The following STAG1 variants were observed in gnomAD, a reference collection of about 807,000 sequenced individuals.
The protein encoded by STAG1 is STAG1 cohesin complex component.
Under a neutral mutation model 170.9 loss-of-function variants are expected in STAG1, and 26 were observed. The ratio of observed to expected loss-of-function variants is 0.15; its 90% CI spans 0.11 to 0.21. The LOEUF (loss-of-function observed/expected upper bound fraction) is 0.21. Ranked by LOEUF, STAG1 falls within the 10% of genes least tolerant of loss-of-function variation. The pLI is 1.00. For missense variants in STAG1, 964 were observed against 1,509.5 expected (o/e 0.64, Z 5.99); for synonymous variants, 514 against 497.7 (o/e 1.03, Z -0.44).
intron 7 of STAG1, among the ~76,000 whole-genome samples, chr3:136,511,149 G>A (rs915630205): frequency 3.9e-5 from 6 of 152,148 alleles, no homozygotes; most frequent in Non-Finnish European, 7.3e-5. Flanking sequence ...TGTGAAGAAT[G>A]TGCCTGCTTC....
chr3:136,739,856 C>A (rs918920397), intron 1 of STAG1, among the ~76,000 whole-genome samples: 1 of 151,940 alleles, frequency 6.6e-6, no homozygotes, highest in Non-Finnish European at 1.5e-5. Flanking sequence ...CATATATACA[C>A]ACACACACAT....
intron 1 of STAG1, among the ~76,000 whole-genome samples, chr3:136,664,282 T>C (rs1156979550): frequency 2.0e-5 from 3 of 152,326 alleles, no homozygotes; most frequent in African/African-American, 7.2e-5. Flanking sequence ...GTGTACTAAA[T>C]TGCAATGTAA....
chr3:136,708,929 C>T (rs960612549), intron 1 of STAG1, among the ~76,000 whole-genome samples: 1 of 148,138 alleles, frequency 6.8e-6, no homozygotes, highest in African/African-American at 2.5e-5. Context: ...CTCAGCCTCC[C>T]AAGTAGTTGG....
At chr3:136,626,461 C>T (rs780862980) in intron 2 of STAG1, among the ~76,000 whole-genome samples, 1 of 150,972 alleles carries the variant, frequency 6.6e-6, no homozygotes, top group Non-Finnish European at 1.5e-5. Flanking sequence ...AAAAACCATA[C>T]AGTATATATT....
intron 28 of STAG1, among the ~76,000 whole-genome samples, chr3:136,351,635 T>C (rs554557587): frequency 4.9e-4 from 75 of 152,248 alleles, no homozygotes; most frequent in Non-Finnish European, 3.2e-4. Context: ...AACTAACAGC[T>C]ATTCTTACAC....
chr3:136,405,084 T>C (rs1195866835), intron 21 of STAG1, among the ~76,000 whole-genome samples: 2 of 152,090 alleles, frequency 1.3e-5, no homozygotes, highest in South Asian at 2.1e-4. Context: ...ATAGCCAATA[T>C]TGGTCTATCA....
Position 136,377,537 on chromosome 3 carries a change from A to C in STAG1, c.2370+123T>G, listed in dbSNP as rs940429525. 1.6e-5 allele frequency: 11 copies of C among 687,194 alleles called. No homozygotes were observed. In the Admixed American group the frequency reaches 2.5e-4, roughly 16 times the overall value. 42.6% of individuals were successfully genotyped at this position (687,194 alleles called of 1,614,324 possible). On this transcript the variant is annotated intron_variant, in intron 23 of 33. Transcript: ENST00000383202. ...ATTCACACATCTACAGTCTTGTTCC[A>C]GGTCCAGTAAATGTTAGGAATGAAC...
chr3:136,500,585 A>G (rs1260496491), intron 8 of STAG1, among the ~76,000 whole-genome samples: 1 of 152,168 alleles, frequency 6.6e-6, no homozygotes, highest in Non-Finnish European at 1.5e-5. Flanking sequence ...CCAAAATATC[A>G]TCTGCCTTAG....
intron 5 of STAG1, among the ~76,000 whole-genome samples, chr3:136,565,021 G>GGCAGGCAGGCAGGCAGGCACGCACGCAC (rs1559881963): frequency 1.0e-5 from 1 of 95,714 alleles, no homozygotes; most frequent in African/African-American, 6.7e-5. Flanking sequence ...AAGGCAGGCA[G>GGCAGGCAGGCAGGCAGGCACGCACGCAC]GCAGGCAGGC....
chr3:136,436,247 C>T (rs977958677), intron 15 of STAG1, among the ~76,000 whole-genome samples: 24 of 151,944 alleles, frequency 1.6e-4, no homozygotes, highest in African/African-American at 2.9e-4. Flanking sequence ...TGAGCCACCA[C>T]GCCTGGCCTC....
chr3:136,608,112 C>T (rs1377382782), intron 3 of STAG1, among the ~76,000 whole-genome samples: 2 of 151,896 alleles, frequency 1.3e-5, no homozygotes, highest in Non-Finnish European at 1.5e-5. Context: ...TAAAAATTAT[C>T]CAGGCGTGGT....
chr3:136,621,261 C>A (rs530670993), intron 3 of STAG1, among the ~76,000 whole-genome samples: 61 of 152,044 alleles, frequency 4.0e-4, no homozygotes, highest in Non-Finnish European at 7.7e-4. Flanking sequence ...AAAAAAGTTT[C>A]TTTAAGGAGA....
chr3:136,722,836 C>T (rs918539876), intron 1 of STAG1, among the ~76,000 whole-genome samples: 7 of 152,240 alleles, frequency 4.6e-5, no homozygotes, highest in Admixed American at 3.9e-4. Context: ...CGATTGCAGG[C>T]GCGCGCCACC....
Position 136,336,719 on chromosome 3 carries a change from A to AAAT in STAG1, c.*1532_*1534dup, listed in dbSNP as rs569982542. 17 of 152,240 alleles carry AAAT rather than the reference A, an allele frequency of 1.1e-4. No homozygotes were observed. Among genetic ancestry groups the AAAT allele is most frequent in the Non-Finnish European group, 1.9e-4 (13 of 68,034 alleles). 9.4% of individuals were successfully genotyped at this position (152,240 alleles called of 1,614,324 possible). A position where few individuals can be genotyped will look rare whatever the true frequency, so the allele number is the denominator to read the frequency against. ...GACCAGGTTTTTTTCAGAACTGTAC[A>AAAT]AATGTTGAGAAAAATGTTTTGTGTC... On this transcript the variant is annotated 3_prime_UTR_variant, in exon 34 of 34. Transcript: ENST00000383202.
At chr3:136,710,531 G>A (rs1943354984) in intron 1 of STAG1, among the ~76,000 whole-genome samples, 2 of 152,090 alleles carry the variant, frequency 1.3e-5, no homozygotes, top group African/African-American at 4.8e-5. Flanking sequence ...CATAGTACCA[G>A]AATTTCAAGT....
chr3:136,471,966 T>C (rs763994106), intron 12 of STAG1, among the ~76,000 whole-genome samples: 1 of 152,076 alleles, frequency 6.6e-6, no homozygotes, highest in Non-Finnish European at 1.5e-5. Flanking sequence ...GCCTCCTAAG[T>C]AGCTAGGACA....
chr3:136,723,947 G>C (rs1182246377), intron 1 of STAG1, among the ~76,000 whole-genome samples: 1 of 149,828 alleles, frequency 6.7e-6, no homozygotes, highest in African/African-American at 2.5e-5. Flanking sequence ...TCAGCCCCCC[G>C]CCAGGCCAGC....
intron 16 of STAG1, among the ~76,000 whole-genome samples, chr3:136,432,920 CGCT>C (rs907296755): frequency 6.6e-6 from 1 of 152,008 alleles, no homozygotes; most frequent in African/African-American, 2.4e-5. Context: ...CACAGACTTC[CGCT>C]GCTTTTACCT....
At chr3:136,645,007 G>A (rs891778945) in intron 1 of STAG1, among the ~76,000 whole-genome samples, 1 of 152,142 alleles carries the variant, frequency 6.6e-6, no homozygotes, top group African/African-American at 2.4e-5. Flanking sequence ...TGGGATTACA[G>A]GTGTGAATCA....
Sources: allele counts gnomAD v4.1 joint callset (sites outside exome capture counted in the v4.1 genomes callset), GRCh38; gene constraint gnomAD v4.1.1; transcripts MANE v1.5; gene names NCBI Gene and HGNC (gene_info 2026-07-23, HGNC 2026-07-21).